The following ARHGAP15 variants were observed in gnomAD, a reference collection of about 807,000 sequenced individuals.
ARHGAP15 encodes Rho GTPase activating protein 15.
Under a neutral mutation model 63.7 loss-of-function variants are expected in ARHGAP15, and 51 were observed. The observed-to-expected ratio is 0.80, with a 90% CI of 0.64 to 1.01. ARHGAP15 has a LOEUF of 1.01. ARHGAP15 is among the 50% of genes least tolerant of loss of function. ARHGAP15 has a pLI of 0.00. For missense variants in ARHGAP15, 560 were observed against 564.6 expected (o/e 0.99, Z 0.08); for synonymous variants, 191 against 193.8 (o/e 0.99, Z 0.12).
intron 8 of ARHGAP15, among the ~76,000 whole-genome samples, chr2:143,479,423 T>C (rs1691972251): frequency 6.6e-6 from 1 of 152,102 alleles, no homozygotes; most frequent in African/African-American, 2.4e-5. Flanking sequence ...GCCTGTTTTC[T>C]ATCACTAGAA....
chr2:143,464,041 T>C (rs181566697), intron 8 of ARHGAP15, among the ~76,000 whole-genome samples: 1 of 152,328 alleles, frequency 6.6e-6, no homozygotes, highest in East Asian at 1.9e-4. Flanking sequence ...AGTAAAATGT[T>C]GCTTTCAACT....
At chr2:143,419,589 TA>T (rs913243206) in intron 6 of ARHGAP15, among the ~76,000 whole-genome samples, 12 of 147,842 alleles carry the variant, frequency 8.1e-5, no homozygotes, top group East Asian at 3.9e-4. Context: ...CATGATATGT[TA>T]AAAAAAATAA....
At chr2:143,686,892 A>T (rs1365433251) in intron 12 of ARHGAP15, among the ~76,000 whole-genome samples, 1 of 152,208 alleles carries the variant, frequency 6.6e-6, no homozygotes, top group East Asian at 1.9e-4. Context: ...TCTGCATTCA[A>T]AATATTTAAC....
At chr2:143,540,079 A>T (rs1694974042) in intron 10 of ARHGAP15, among the ~76,000 whole-genome samples, 1 of 152,198 alleles carries the variant, frequency 6.6e-6, no homozygotes, top group Non-Finnish European at 1.5e-5. Flanking sequence ...TTGGGTGCAT[A>T]TATATTTAGG....
At chr2:143,674,227 A>G (rs1682712890) in intron 12 of ARHGAP15, among the ~76,000 whole-genome samples, 3 of 152,130 alleles carry the variant, frequency 2.0e-5, no homozygotes, top group Admixed American at 2.0e-4. Flanking sequence ...CTCATAGCCA[A>G]AAACTGAAAA....
chr2:143,272,159 GA>G (rs1233142524), intron 6 of ARHGAP15, among the ~76,000 whole-genome samples: 2 of 152,162 alleles, frequency 1.3e-5, no homozygotes, highest in South Asian at 2.1e-4. Context: ...AAAGGAATGT[GA>G]ATGGTCCTGG....
At chr2:143,336,306 G>A (rs6737802) in intron 6 of ARHGAP15, among the ~76,000 whole-genome samples, 44 of 152,248 alleles carry the variant, frequency 2.9e-4, no homozygotes, top group African/African-American at 1.0e-3. Context: ...CCTCTATAAG[G>A]GGAGAGGCAG....
intron 12 of ARHGAP15, among the ~76,000 whole-genome samples, chr2:143,690,019 T>A (rs57504817): frequency 2.0e-5 from 3 of 152,198 alleles, no homozygotes; most frequent in Non-Finnish European, 4.4e-5. Context: ...CAGCATTAAC[T>A]GTGTAGGAAA....
intron 6 of ARHGAP15, among the ~76,000 whole-genome samples, chr2:143,415,867 C>T (rs879200138): frequency 1.3e-5 from 2 of 152,110 alleles, no homozygotes; most frequent in Non-Finnish European, 2.9e-5. Context: ...AGTGAAGTAA[C>T]TCCCGAATGG....
At chr2:143,401,800 G>A (rs1052533457) in intron 6 of ARHGAP15, among the ~76,000 whole-genome samples, 2 of 151,928 alleles carry the variant, frequency 1.3e-5, no homozygotes, top group African/African-American at 4.8e-5. Context: ...CCTATCGGTG[G>A]TGTGTGTCAT....
chr2:143,200,375 AT>A (rs752925824), intron 2 of ARHGAP15, among the ~76,000 whole-genome samples: 3,281 of 142,150 alleles, frequency 0.023, 44 homozygotes, highest in Non-Finnish European at 0.031. Flanking sequence ...CAGGATTCTG[AT>A]TTTTTTTTTT....
intron 11 of ARHGAP15, among the ~76,000 whole-genome samples, chr2:143,589,538 T>A (rs755348340): frequency 2.0e-5 from 3 of 152,218 alleles, no homozygotes; most frequent in African/African-American, 7.2e-5. Flanking sequence ...CCCATCTAGT[T>A]TGTGACAGAG....
chr2:143,349,003 G>GGTA (rs1685435887), intron 6 of ARHGAP15, among the ~76,000 whole-genome samples: 2 of 152,182 alleles, frequency 1.3e-5, no homozygotes, highest in Middle Eastern at 3.4e-3. Flanking sequence ...GAGAAATGTG[G>GGTA]GTACTGGAAG....
intron 6 of ARHGAP15, among the ~76,000 whole-genome samples, chr2:143,408,983 GT>G (rs1295197868): frequency 6.6e-6 from 1 of 151,806 alleles, no homozygotes; most frequent in African/African-American, 2.4e-5. Context: ...ATTGAAGGGT[GT>G]ATCTTACATG....
chr2:143,680,021 T>TAAAAAAAAAAAAAAA (rs55927433), intron 12 of ARHGAP15, among the ~76,000 whole-genome samples: 2 of 101,626 alleles, frequency 2.0e-5, no homozygotes, highest in African/African-American at 9.0e-5. Flanking sequence ...AGTAAATGAT[T>TAAAAAAAAAAAAAAA]AAAAAAAAAA....
At chr2:143,501,537 C>T (rs1433804486) in intron 9 of ARHGAP15, among the ~76,000 whole-genome samples, 1 of 152,008 alleles carries the variant, frequency 6.6e-6, no homozygotes, top group African/African-American at 2.4e-5. Flanking sequence ...GAGGTTAGAC[C>T]CTCACTTCAT....
intron 6 of ARHGAP15, among the ~76,000 whole-genome samples, chr2:143,271,536 C>T (rs539209411): frequency 6.6e-6 from 1 of 152,314 alleles, no homozygotes; most frequent in East Asian, 1.9e-4. Context: ...AGTGCAGTGG[C>T]GCGATCTCGT....
At chr2:143,420,880 C>T (rs551144838) in intron 6 of ARHGAP15, among the ~76,000 whole-genome samples, 11 of 152,240 alleles carry the variant, frequency 7.2e-5, no homozygotes, top group African/African-American at 2.6e-4. Context: ...GAAGGAGAGG[C>T]CATAACACTA....
chr2:143,702,553 ATATGTCCTTGTT>A (rs1269928723), intron 12 of ARHGAP15, among the ~76,000 whole-genome samples: 2 of 152,196 alleles, frequency 1.3e-5, no homozygotes, highest in African/African-American at 2.4e-5. Flanking sequence ...AAATCACACT[ATATGTCCTTGTT>A]TAGTTTCCCA....
Sources: allele counts gnomAD v4.1 joint callset (sites outside exome capture counted in the v4.1 genomes callset), GRCh38; gene constraint gnomAD v4.1.1; transcripts MANE v1.5; gene names NCBI Gene and HGNC (gene_info 2026-07-23, HGNC 2026-07-21).